Variants in GOLM1 observed in about 807,000 individuals in gnomAD.
GOLM1 encodes the protein epididymis luminal protein 46.
GOLM1 carries 31 observed loss-of-function variants against 50.5 expected under a neutral mutation model. That is an observed-to-expected ratio of 0.61 (90% CI 0.46 to 0.83). The LOEUF (loss-of-function observed/expected upper bound fraction) is 0.83, where lower values mean the gene tolerates loss of function less well. GOLM1 is among the 40% of genes least tolerant of loss of function. The probability of loss-of-function intolerance (pLI) is 0.00; values close to 1 mark genes in which losing one functional copy is unlikely to be tolerated. For missense variants in GOLM1, 491 were observed against 501.3 expected (o/e 0.98, Z 0.20); for synonymous variants, 178 against 192.8 (o/e 0.92, Z 0.64).
intron 5 of GOLM1, among the ~76,000 whole-genome samples, chr9:86,042,671 T>C (rs1390987515): frequency 4.6e-5 from 7 of 152,204 alleles, no homozygotes; most frequent in Admixed American, 1.3e-4. Context: ...GCTGTCTGTA[T>C]ACTGTAGAAC....
chr9:86,094,671 T>C (rs1006771929), intron 1 of GOLM1, among the ~76,000 whole-genome samples: 1 of 152,176 alleles, frequency 6.6e-6, no homozygotes, highest in Non-Finnish European at 1.5e-5. Context: ...GGCTCACGTC[T>C]ATAATCCCAG....
intron 1 of GOLM1, among the ~76,000 whole-genome samples, chr9:86,095,252 G>C (rs965205970): frequency 6.6e-6 from 1 of 151,156 alleles, no homozygotes; most frequent in African/African-American, 2.4e-5. Flanking sequence ...TTTTTGAGAC[G>C]AAGTCTTGCT....
intron 1 of GOLM1, among the ~76,000 whole-genome samples, chr9:86,089,420 A>G (rs746997313): frequency 2.6e-5 from 4 of 152,070 alleles, no homozygotes; most frequent in Admixed American, 2.6e-4. Flanking sequence ...GTCTTTTCAC[A>G]TAGTTCCATA....
intron 1 of GOLM1, among the ~76,000 whole-genome samples, chr9:86,096,183 T>A (rs1835350842): frequency 6.6e-6 from 1 of 152,146 alleles, no homozygotes; most frequent in Non-Finnish European, 1.5e-5. Context: ...ATAGGTTTTT[T>A]TTTTTTTTTT....
chr9:86,090,448 G>C (rs1835141389), intron 1 of GOLM1, among the ~76,000 whole-genome samples: 2 of 152,184 alleles, frequency 1.3e-5, no homozygotes, highest in Admixed American at 6.5e-5. Context: ...TCAGAGAGGA[G>C]GAATCTAGAG....
intron 3 of GOLM1, among the ~76,000 whole-genome samples, chr9:86,075,999 A>T (rs12340012): frequency 6.6e-6 from 1 of 152,320 alleles, no homozygotes; most frequent in South Asian, 2.1e-4. Context: ...GTTATGCGAG[A>T]AAAGTCTGAG....
chr9:86,098,129 A>G (rs1022680690), intron 1 of GOLM1, among the ~76,000 whole-genome samples: 1 of 152,216 alleles, frequency 6.6e-6, no homozygotes, highest in African/African-American at 2.4e-5. Context: ...ATGTATCTTA[A>G]AAGCTAACCT....
intron 3 of GOLM1, among the ~76,000 whole-genome samples, chr9:86,070,739 A>C (rs1834425070): frequency 1.3e-5 from 2 of 152,188 alleles, no homozygotes; most frequent in Admixed American, 1.3e-4. Context: ...ATTTACCACG[A>C]ACTCGAACTT....
At chr9:86,084,166 T>C (rs1834878324) in intron 1 of GOLM1, among the ~76,000 whole-genome samples, 1 of 152,206 alleles carries the variant, frequency 6.6e-6, no homozygotes, top group South Asian at 2.1e-4. Context: ...TTGGGGGCAT[T>C]ATCATCCCCA....
intron 1 of GOLM1, among the ~76,000 whole-genome samples, chr9:86,090,678 T>C (rs184665850): frequency 6.5e-4 from 98 of 151,168 alleles, no homozygotes; most frequent in African/African-American, 1.7e-3. Context: ...CTGGGCTCCA[T>C]TGGGGTGGAA....
intron 6 of GOLM1, among the ~76,000 whole-genome samples, chr9:86,037,024 C>T (rs915990742): frequency 1.3e-5 from 2 of 152,184 alleles, no homozygotes; most frequent in Admixed American, 6.5e-5. Context: ...AAATCAATAA[C>T]AGGATGAAAC....
At chr9:86,044,399 T>C (rs1446278595) in intron 5 of GOLM1, among the ~76,000 whole-genome samples, 1 of 152,184 alleles carries the variant, frequency 6.6e-6, no homozygotes, top group Non-Finnish European at 1.5e-5. Flanking sequence ...AGGTGGACAA[T>C]GTTTTGGAGG....
chr9:86,090,154 G>C (rs1323818588), intron 1 of GOLM1, among the ~76,000 whole-genome samples: 2 of 152,134 alleles, frequency 1.3e-5, no homozygotes, highest in Non-Finnish European at 2.9e-5. Flanking sequence ...ATGCCAGCCG[G>C]AGCTCTCCTG....
rs41283655 is a variant in GOLM1, at chr9:86,036,526, A to T, written c.598-19T>A. On this transcript the variant is annotated intron_variant, in intron 6 of 9. Coordinates refer to ENST00000388712, the MANE Select transcript of GOLM1 (RefSeq NM_016548.4). ...CTTGGAGCTGAAACAGAAGCACAGG[A>T]CAGCCAGCCAGGGCAGGGCTCTGTG... The T allele has an allele frequency of 0.024, 39,338 of 1,612,792 alleles. 570 individuals are homozygous for T. Among genetic ancestry groups the T allele is most frequent in the Non-Finnish European group, 0.029 (34,106 of 1,179,418 alleles).
intron 3 of GOLM1, among the ~76,000 whole-genome samples, chr9:86,062,228 C>G (rs1191589846): frequency 6.6e-6 from 1 of 152,156 alleles, no homozygotes; most frequent in Admixed American, 6.5e-5. Flanking sequence ...GCCCTGGGGT[C>G]ACCCGGGTGC....
chr9:86,035,480 C>A lies in GOLM1; in HGVS notation c.903G>T (p.Gln301His). Reference protein sequence around the residue: ...GGAGELGQTPQVQAALSVSQE... With the variant: ...GGAGELGQTPHVQAALSVSQE... ...GGCTCACTGACAGGGCAGCCTGCAC[C>A]TGTGGGGTCTGGCCCAGTTCTCCGG... Residue 301 changes from glutamine (Q) to histidine (H), a missense_variant, in exon 8 of 10, where the codon CAG becomes CAT. Gln to His is a conservative substitution (Grantham distance 24). Transcript: ENST00000388712. 5 of 1,613,662 alleles carry A rather than the reference C, an allele frequency of 3.1e-6. No homozygotes were observed. Among genetic ancestry groups the A allele is most frequent in the Non-Finnish European group, 4.2e-6 (5 of 1,180,000 alleles).
At chr9:86,061,457 G>A (rs1354248218) in intron 3 of GOLM1, among the ~76,000 whole-genome samples, 1 of 152,050 alleles carries the variant, frequency 6.6e-6, no homozygotes, top group Non-Finnish European at 1.5e-5. Context: ...TATGACAAAT[G>A]GCCTTCGAAG....
At chr9:86,063,239 T>C (rs1022424642) in intron 3 of GOLM1, among the ~76,000 whole-genome samples, 20 of 152,226 alleles carry the variant, frequency 1.3e-4, no homozygotes, top group African/African-American at 4.6e-4. Flanking sequence ...GTTCCCTGGC[T>C]GTTCTTTAAC....
chr9:86,070,172 C>A (rs180868133), intron 3 of GOLM1, among the ~76,000 whole-genome samples: 2 of 152,070 alleles, frequency 1.3e-5, no homozygotes, highest in Non-Finnish European at 2.9e-5. Flanking sequence ...CGTGAGCCAC[C>A]GTGTCCGACC....
Sources: allele counts gnomAD v4.1 joint callset (sites outside exome capture counted in the v4.1 genomes callset), GRCh38; gene constraint gnomAD v4.1.1; transcripts MANE v1.5; gene names NCBI Gene and HGNC (gene_info 2026-07-23, HGNC 2026-07-21).